ZBTB8A: variants seen among roughly 807,000 people sequenced by gnomAD.
ZBTB8A encodes the protein zinc finger and BTB domain containing 8A.
A neutral mutation model predicts 37.8 loss-of-function variants in ZBTB8A; 19 were observed. That is an observed-to-expected ratio of 0.50 (90% CI 0.35 to 0.74). The LOEUF is 0.74. Among genes scored for constraint, ZBTB8A ranks in the 30% least tolerant of loss-of-function variants. The probability of loss-of-function intolerance (pLI) is 0.01; values close to 1 mark genes in which losing one functional copy is unlikely to be tolerated. For missense variants in ZBTB8A, 394 were observed against 537.8 expected (o/e 0.73, Z 2.65); for synonymous variants, 181 against 185.2 (o/e 0.98, Z 0.19).
intron 3 of ZBTB8A, 150 bp from the exon 4 acceptor site, chr1:32,594,904 G>A (rs992716024): frequency 2.6e-6 from 2 of 769,050 alleles, no homozygotes; most frequent in Admixed American, 3.3e-5. Flanking sequence ...TACTTTTTGG[G>A]CTAACCAACT....
Position 32,604,347 on chromosome 1 carries a change from T to G in ZBTB8A, c.*3928T>G, listed in dbSNP as rs1159090762. On this transcript the variant is annotated 3_prime_UTR_variant, in exon 5 of 5. Coordinates refer to ENST00000373510, the MANE Select transcript of ZBTB8A (RefSeq NM_001040441.3). ...GGATAAACTCTAAAATCAGAGCTGC[T>G]GTGGTTAAAGTCCCCCACAAACCTT... 1.3e-5 allele frequency: 2 copies of G among 152,198 alleles called. No individual in the cohort carries two copies. Among genetic ancestry groups the G allele is most frequent in the African/African-American group, 4.8e-5 (2 of 41,450 alleles). The allele number at this position is 152,198 out of a possible 1,614,324, so 9.4% of individuals were successfully genotyped here. A position where few individuals can be genotyped will look rare whatever the true frequency, so the allele number is the denominator to read the frequency against.
chr1:32,562,591 T>G (rs1644252079), intron 2 of ZBTB8A, among the ~76,000 whole-genome samples: 2 of 132,124 alleles, frequency 1.5e-5, no homozygotes, highest in South Asian at 4.8e-4. Context: ...TTTTTTTTTT[T>G]GATGAGACGA....
intron 2 of ZBTB8A, among the ~76,000 whole-genome samples, chr1:32,567,211 T>G: frequency 1.3e-5 from 2 of 149,816 alleles, no homozygotes; most frequent in African/African-American, 2.5e-5. Flanking sequence ...AGGAAGAGAG[T>G]GAAGGAGGAG....
chr1:32,563,430 C>G lies in ZBTB8A; in HGVS notation c.-2+9890C>G, dbSNP rs371563640. On this transcript the variant is annotated intron_variant, in intron 2 of 4. Coordinates refer to ENST00000373510, the MANE Select transcript of ZBTB8A (RefSeq NM_001040441.3). ...CTACAGGATTTCTCTCCTTTTCCCC[C>G]CTAGGGCTGACACCTTCTTTTTCTT... Among the ~76,000 whole-genome samples, 5 of 152,232 alleles carry G rather than the reference C, an allele frequency of 3.3e-5. No individual in the cohort carries two copies. The East Asian group carries it at 5.8e-4, about 18-fold the overall frequency.
intron 2 of ZBTB8A, among the ~76,000 whole-genome samples, chr1:32,555,964 A>G (rs958684656): frequency 2.0e-5 from 3 of 151,840 alleles, no homozygotes; most frequent in African/African-American, 7.3e-5. Context: ...GCTGGAGTGC[A>G]GTGGAGCAAT....
At chr1:32,542,684 C>G (rs1349904190) in intron 1 of ZBTB8A, among the ~76,000 whole-genome samples, 1 of 152,218 alleles carries the variant, frequency 6.6e-6, no homozygotes, top group African/African-American at 2.4e-5. Flanking sequence ...ATTCCAAAGA[C>G]TTTCGAACTT....
intron 2 of ZBTB8A, among the ~76,000 whole-genome samples, chr1:32,558,760 G>A (rs970191769): frequency 3.6e-4 from 55 of 152,148 alleles, no homozygotes; most frequent in African/African-American, 1.3e-3. Flanking sequence ...TTAAGAAAAG[G>A]CTGCAATAAG....
Position 32,542,553 on chromosome 1 carries a change from G to A in ZBTB8A, c.-84+2981G>A, listed in dbSNP as rs554790077. ...TGCGCCACTGCACTCTAGCCTGGGC[G>A]ACAGAGCAAGACTCCGTCTCAAAAA... On this transcript the variant is annotated intron_variant, in intron 1 of 4. Transcript: ENST00000373510. Among the ~76,000 whole-genome samples, 3 of 152,192 alleles carry A rather than the reference G, an allele frequency of 2.0e-5. No homozygotes were observed. The South Asian group carries it at 6.2e-4, about 32-fold the overall frequency.
chr1:32,547,681 T>C (rs543852199), intron 1 of ZBTB8A, among the ~76,000 whole-genome samples: 41 of 144,298 alleles, frequency 2.8e-4, no homozygotes, highest in African/African-American at 1.1e-3. Context: ...TCAAGAATAA[T>C]TTGGCACACA....
intron 3 of ZBTB8A, among the ~76,000 whole-genome samples, chr1:32,594,045 T>C (rs988271161): frequency 6.6e-6 from 1 of 151,842 alleles, no homozygotes. Context: ...TACAAAAAAA[T>C]TAGCCGAGCA....
At chr1:32,568,482 G>T (rs1426389468) in intron 2 of ZBTB8A, among the ~76,000 whole-genome samples, 1 of 151,790 alleles carries the variant, frequency 6.6e-6, no homozygotes. Context: ...CGCCTGCCGG[G>T]TTCACGCCAT....
chr1:32,557,537 G>A (rs780242465), intron 2 of ZBTB8A, among the ~76,000 whole-genome samples: 2 of 151,966 alleles, frequency 1.3e-5, no homozygotes, highest in African/African-American at 4.8e-5. Context: ...ATCCGAACTC[G>A]CTGCAGCCTC....
chr1:32,554,909 A>G (rs1570319430), intron 2 of ZBTB8A, among the ~76,000 whole-genome samples: 1 of 152,174 alleles, frequency 6.6e-6, no homozygotes, highest in South Asian at 2.1e-4. Context: ...ACTGGAGATT[A>G]TCTAGATCAG....
intron 2 of ZBTB8A, among the ~76,000 whole-genome samples, chr1:32,565,531 G>C (rs1644272024): frequency 6.6e-6 from 1 of 151,678 alleles, no homozygotes; most frequent in East Asian, 1.9e-4. Flanking sequence ...GGCATGCCCT[G>C]TAACCCCAGC....
At chr1:32,574,563 C>T (rs535809016) in intron 2 of ZBTB8A, among the ~76,000 whole-genome samples, 4 of 152,216 alleles carry the variant, frequency 2.6e-5, no homozygotes, top group African/African-American at 9.6e-5. Context: ...CAGCCCTGCA[C>T]TCCAGACTGA....
intron 1 of ZBTB8A, among the ~76,000 whole-genome samples, chr1:32,540,787 C>CA (rs1214655136): frequency 6.6e-6 from 1 of 152,178 alleles, no homozygotes; most frequent in African/African-American, 2.4e-5. Flanking sequence ...CACTGATAAG[C>CA]AGGGATCAGA....
chr1:32,578,768 T>C (rs1162467687), intron 2 of ZBTB8A, among the ~76,000 whole-genome samples: 4 of 152,012 alleles, frequency 2.6e-5, no homozygotes, highest in African/African-American at 9.7e-5. Flanking sequence ...AGTGGCTATT[T>C]ACAGGTGTGA....
chr1:32,573,698 T>C (rs1232945992), intron 2 of ZBTB8A, among the ~76,000 whole-genome samples: 1 of 147,756 alleles, frequency 6.8e-6, no homozygotes, highest in Non-Finnish European at 1.5e-5. Flanking sequence ...CCTCCCAAAG[T>C]GCTGGGATTA....
chr1:32,560,212 T>A (rs1484477045), intron 2 of ZBTB8A, among the ~76,000 whole-genome samples: 3 of 152,078 alleles, frequency 2.0e-5, no homozygotes, highest in Non-Finnish European at 4.4e-5. Context: ...GCCCCAATGG[T>A]CCAATCGCCT....
Sources: gnomAD v4.1 joint callset for allele counts (sites outside exome capture counted in the v4.1 genomes callset) on GRCh38, gnomAD v4.1.1 for gene constraint, MANE v1.5 for transcripts, NCBI Gene and HGNC (gene_info 2026-07-23, HGNC 2026-07-21) for gene names.